ENSA: variants seen among roughly 807,000 people sequenced by gnomAD.
The protein encoded by ENSA is endosulfine alpha, also known as alpha-endosulfine.
ENSA carries 7 observed loss-of-function variants against 16.8 expected under a neutral mutation model. That is an observed-to-expected ratio of 0.42 (90% CI 0.24 to 0.78). The LOEUF (loss-of-function observed/expected upper bound fraction) is 0.78, where lower values mean the gene tolerates loss of function less well. Ranked by LOEUF, ENSA falls within the 30% of genes least tolerant of loss-of-function variation. The pLI is 0.29. For synonymous variants in ENSA, 58 were observed against 53.4 expected, an observed-to-expected ratio of 1.09 and a Z score of -0.37; for missense variants, 87 against 142.3, an observed-to-expected ratio of 0.61 and a Z score of 1.98.
chr1:150,628,441 C>CA (rs1290035116), intron 1 of ENSA, among the ~76,000 whole-genome samples: 4 of 149,412 alleles, frequency 2.7e-5, no homozygotes, highest in African/African-American at 4.9e-5. Context: ...CAGTTTTCAT[C>CA]AAAAAAATCA....
intron 1 of ENSA, chr1:150,629,001 T>A (rs1649546897): frequency 1.9e-6 from 3 of 1,567,238 alleles, no homozygotes; most frequent in Middle Eastern, 1.7e-4. Context: ...CGTCTTTACC[T>A]CGACCCCTAT....
At chr1:150,624,665 T>C (rs1649179376) in intron 3 of ENSA, 12 of 985,578 alleles carry the variant, frequency 1.2e-5, no homozygotes, top group Non-Finnish European at 1.4e-5. Flanking sequence ...TCTCTCCTCA[T>C]GTATCCCTCA....
chr1:150,626,040 T>C (rs767088774), intron 2 of ENSA, among the ~76,000 whole-genome samples: 17 of 152,206 alleles, frequency 1.1e-4, no homozygotes, highest in Non-Finnish European at 2.5e-4. Context: ...AGCTAGAGTA[T>C]ATAGTTTTGG....
intron 1 of ENSA, 141 bp downstream of exon 1, chr1:150,629,273 G>A: frequency 1.3e-6 from 2 of 1,508,136 alleles, no homozygotes; most frequent in Non-Finnish European, 1.8e-6. Flanking sequence ...ATGTCGTGTT[G>A]AAGCTCACCC....
At position 150,622,636 on chromosome 1, in the gene ENSA, A is replaced by C. The variant is rs995527687; in HGVS notation, c.*208T>G. The C allele has an allele frequency of 2.5e-6, 1 of 396,146 alleles. No homozygotes were observed. The highest frequency in any genetic ancestry group is 4.6e-6 in the Non-Finnish European group (1 of 217,910). The allele number at this position is 396,146 out of a possible 1,614,324, so 24.5% of individuals were successfully genotyped here. On this transcript the variant is annotated 3_prime_UTR_variant, in exon 4 of 4. Coordinates refer to ENST00000369014, the MANE Select transcript of ENSA (RefSeq NM_004436.4). Reference sequence around the variant, plus strand: ...CAACTGTTATTTGGAAAAAAGGTAAAACAAAAAAGGTTCAAGGTCTTGGTG... The same window carrying C: ...CAACTGTTATTTGGAAAAAAGGTAACACAAAAAAGGTTCAAGGTCTTGGTG...
At position 150,629,584 on chromosome 1, in the gene ENSA, GC is replaced by G. The variant is rs774507845; in HGVS notation, c.-115del. On this transcript the variant is annotated 5_prime_UTR_variant, in exon 1 of 4. Coordinates refer to ENST00000369014, the MANE Select transcript of ENSA (RefSeq NM_004436.4). ...TGCTTCGGCTCCTGTCACTAGGGTT[GC>G]TCAGTCAAAATGGCGGCCCTTGCCC... is the stretch of plus-strand genomic sequence containing the variant. 5.0e-5 allele frequency: 68 copies of G among 1,373,004 alleles called. No homozygotes were observed. The highest frequency in any genetic ancestry group is 6.4e-5 in the Non-Finnish European group (64 of 1,003,154). 85.1% of individuals were successfully genotyped at this position (1,373,004 alleles called of 1,614,324 possible). A position where few individuals can be genotyped will look rare whatever the true frequency, so the allele number is the denominator to read the frequency against.
rs1571005438 is a variant in ENSA, at chr1:150,622,748, C to G, written c.*96G>C. On this transcript the variant is annotated 3_prime_UTR_variant, in exon 4 of 4. Transcript: ENST00000369014. ...CCACACCCGAGCCACCTCCTGACCC[C>G]TGGCTGCAAAAGCAGGAAGGGGCAG... 2.8e-6 allele frequency: 4 copies of G among 1,418,802 alleles called. No homozygotes were observed. Among genetic ancestry groups the G allele is most frequent in the Non-Finnish European group, 3.8e-6 (4 of 1,048,774 alleles). 87.9% of individuals were successfully genotyped at this position (1,418,802 alleles called of 1,614,324 possible).
chr1:150,626,649 C>T (rs1023828072), intron 2 of ENSA: 46 of 636,682 alleles, frequency 7.2e-5, no homozygotes, highest in Middle Eastern at 3.3e-4. Context: ...CTCCGCCTCC[C>T]GGGTTCACGC....
chr1:150,623,389 G>C (rs1175154303), intron 3 of ENSA: 2 of 985,736 alleles, frequency 2.0e-6, no homozygotes, highest in Non-Finnish European at 2.4e-6. Context: ...TGTGGAAACT[G>C]GCAAATACAG....
intron 3 of ENSA, 126 bp from the exon 4 acceptor site, chr1:150,622,985 T>C: frequency 1.6e-6 from 2 of 1,270,562 alleles, no homozygotes; most frequent in Non-Finnish European, 2.2e-6. Flanking sequence ...TTAGGCTACC[T>C]GGCATGTCTC....
chr1:150,628,507 T>C (rs1649505473), intron 1 of ENSA, among the ~76,000 whole-genome samples: 1 of 152,176 alleles, frequency 6.6e-6, no homozygotes, highest in South Asian at 2.1e-4. Context: ...TCTTTTTTTT[T>C]TTTTTGTGGT....
chr1:150,627,539 T>C lies in ENSA; in HGVS notation c.111A>G (p.Leu37=), dbSNP rs370452601. 36 of 1,614,020 alleles carry C rather than the reference T, an allele frequency of 2.2e-5. No individual in the cohort carries two copies. The highest frequency in any genetic ancestry group is 2.9e-5 in the Non-Finnish European group (34 of 1,179,998). Residue 37 remains leucine (L), a synonymous_variant, in exon 2 of 4, where the codon CTA becomes CTG. Transcript: ENST00000369014. ...GTCCTAGGCTTGGGTATTTGGCCTT[T>C]AGCTTTGCCTCTTCAGCTCTCTCAG... ...ILPERAEEAK[L]KAKYPSLGQK...
chr1:150,627,781 A>AAG lies in ENSA; in HGVS notation c.58-191_58-190dup, dbSNP rs587601263. On this transcript the variant is annotated intron_variant, in intron 1 of 3. Coordinates refer to ENST00000369014, the MANE Select transcript of ENSA (RefSeq NM_004436.4). ...CTCAAGATGACTATTGTGAGAGAAA[A>AAG]AGACAAGCTGCTTCTCACACTTCAC... 1.1e-4 allele frequency among the ~76,000 whole-genome samples: 16 copies of AAG among 152,314 alleles called. 2 individuals carry two copies. In the South Asian group the frequency reaches 3.1e-3, roughly 30 times the overall value.
intron 2 of ENSA, 195 bp downstream of exon 2, chr1:150,627,272 G>A: frequency 6.5e-7 from 1 of 1,542,066 alleles, no homozygotes; most frequent in South Asian, 1.3e-5. Flanking sequence ...TTTCCTACAT[G>A]GGAAATCAGG....
chr1:150,625,242 T>G (rs1378365661), intron 3 of ENSA: 10 of 991,564 alleles, frequency 1.0e-5, no homozygotes, highest in Non-Finnish European at 1.1e-5. Flanking sequence ...CAATCTACCT[T>G]TCCCAACTAC....
chr1:150,622,768 G>GT lies in ENSA; in HGVS notation c.*75_*76insA. 1 of 1,503,590 alleles carries GT rather than the reference G, an allele frequency of 6.7e-7. No homozygotes were observed. The highest frequency in any genetic ancestry group is 9.0e-7 in the Non-Finnish European group (1 of 1,116,856). The allele number at this position is 1,503,590 out of a possible 1,614,324, so 93.1% of individuals were successfully genotyped here. A position where few individuals can be genotyped will look rare whatever the true frequency, so the allele number is the denominator to read the frequency against. ...GACCCCTGGCTGCAAAAGCAGGAAGGGGCAGGAGCCAGCACAGGACCCGGG... is the reference window on the plus strand; with the variant it reads ...GACCCCTGGCTGCAAAAGCAGGAAGGTGGCAGGAGCCAGCACAGGACCCGGG... On this transcript the variant is annotated 3_prime_UTR_variant, in exon 4 of 4. Coordinates refer to ENST00000369014, the MANE Select transcript of ENSA (RefSeq NM_004436.4).
chr1:150,629,519 G>A lies in ENSA; in HGVS notation c.-49C>T. 1 of 1,598,446 alleles carries A rather than the reference G, an allele frequency of 6.3e-7. No individual in the cohort carries two copies. The highest frequency in any genetic ancestry group is 8.5e-7 in the Non-Finnish European group (1 of 1,173,276). On this transcript the variant is annotated 5_prime_UTR_variant, in exon 1 of 4. Coordinates refer to ENST00000369014, the MANE Select transcript of ENSA (RefSeq NM_004436.4). ...TAAGGGGCCCGGGAAGGCAACCGGA[G>A]AAGGGAAGGGGGAGGGGAAACGGGG...
chr1:150,628,021 G>A (rs587710181), intron 1 of ENSA, among the ~76,000 whole-genome samples: 2 of 152,254 alleles, frequency 1.3e-5, no homozygotes, highest in African/African-American at 4.8e-5. Context: ...TTGGGGCTGG[G>A]AGCAGTGACT....
Position 150,627,597 on chromosome 1 carries a change from AG to A in ENSA, c.58-6del, listed in dbSNP as rs747221558. Reference sequence around the variant, plus strand: ...ACCTTCTTTCTCCTGCGTGTCCTGGAGAAAACAAATGAGCCAAATAAAATTA... The same window carrying A: ...ACCTTCTTTCTCCTGCGTGTCCTGGAAAAACAAATGAGCCAAATAAAATTA... On this transcript the variant is annotated splice_region_variant and splice_polypyrimidine_tract_variant and intron_variant, in intron 1 of 3. Coordinates refer to ENST00000369014, the MANE Select transcript of ENSA (RefSeq NM_004436.4). The A allele has an allele frequency of 1.4e-5, 22 of 1,600,842 alleles. No individual in the cohort carries two copies. The African/African-American group carries it at 2.8e-4, about 21-fold the overall frequency.
Sources: allele counts gnomAD v4.1 joint callset (sites outside exome capture counted in the v4.1 genomes callset), GRCh38; gene constraint gnomAD v4.1.1; transcripts MANE v1.5; gene names NCBI Gene and HGNC (gene_info 2026-07-23, HGNC 2026-07-21).